Variants in NEO1 observed in about 807,000 individuals in gnomAD.
The protein encoded by NEO1 is neogenin 1.
NEO1 carries 63 observed loss-of-function variants against 159.7 expected under a neutral mutation model. The observed-to-expected ratio is 0.39, with a 90% CI of 0.32 to 0.49. The LOEUF (loss-of-function observed/expected upper bound fraction) is 0.49. Among genes scored for constraint, NEO1 ranks in the 20% least tolerant of loss-of-function variants. The probability of loss-of-function intolerance (pLI) is 0.85; values close to 1 mark genes in which losing one functional copy is unlikely to be tolerated. For synonymous variants in NEO1, 633 were observed against 662.0 expected (o/e 0.96, Z 0.67); for missense variants, 1,615 against 1,831.0 (o/e 0.88, Z 2.15).
intron 5 of NEO1, among the ~76,000 whole-genome samples, chr15:73,150,125 T>C (rs926184126): frequency 1.3e-5 from 2 of 152,216 alleles, no homozygotes; most frequent in African/African-American, 2.4e-5. Context: ...AGAATTTACA[T>C]GGACTGAATT....
At chr15:73,167,658 A>G (rs144651084) in intron 5 of NEO1, among the ~76,000 whole-genome samples, 45 of 152,370 alleles carry the variant, frequency 3.0e-4, no homozygotes, top group African/African-American at 1.1e-3. Context: ...GATGTTGTGT[A>G]TACATACAAT....
chr15:73,156,247 G>A (rs2151860459), intron 5 of NEO1, among the ~76,000 whole-genome samples: 1 of 152,308 alleles, frequency 6.6e-6, no homozygotes, highest in Admixed American at 6.5e-5. Context: ...TGTTAAATCT[G>A]TGGATTTTTC....
chr15:73,242,370 TA>T (rs1397826242), intron 8 of NEO1, among the ~76,000 whole-genome samples: 7 of 152,062 alleles, frequency 4.6e-5, no homozygotes, highest in Non-Finnish European at 1.0e-4. Flanking sequence ...AAAATGTTAT[TA>T]AAAAAATCAT....
chr15:73,160,496 G>A (rs911977333), intron 5 of NEO1, among the ~76,000 whole-genome samples: 1 of 152,050 alleles, frequency 6.6e-6, no homozygotes, highest in Non-Finnish European at 1.5e-5. Context: ...GAGAGCTCAG[G>A]ACCACCAGAC....
At chr15:73,151,219 G>C (rs1472334641) in intron 5 of NEO1, among the ~76,000 whole-genome samples, 1 of 152,078 alleles carries the variant, frequency 6.6e-6, no homozygotes, top group East Asian at 1.9e-4. Context: ...AATACTTTAC[G>C]ATTGCATATT....
chr15:73,068,491 T>C (rs1392233024), intron 1 of NEO1, among the ~76,000 whole-genome samples: 1 of 152,050 alleles, frequency 6.6e-6, no homozygotes, highest in Non-Finnish European at 1.5e-5. Context: ...GGATTATAGG[T>C]GTGAGCCACT....
chr15:73,262,615 C>T (rs1463100323), intron 15 of NEO1, among the ~76,000 whole-genome samples: 2 of 152,110 alleles, frequency 1.3e-5, no homozygotes, highest in African/African-American at 4.8e-5. Context: ...CAAATATCAA[C>T]AAGGATACAG....
chr15:73,169,773 A>G (rs970270204), intron 5 of NEO1, among the ~76,000 whole-genome samples: 3 of 151,406 alleles, frequency 2.0e-5, no homozygotes, highest in Admixed American at 1.3e-4. Context: ...GTCTTGGAAC[A>G]TGGTACCTTA....
chr15:73,054,500 G>T (rs1388262826), intron 1 of NEO1, among the ~76,000 whole-genome samples: 2 of 152,162 alleles, frequency 1.3e-5, no homozygotes, highest in Non-Finnish European at 2.9e-5. Flanking sequence ...TCCATCTACT[G>T]ATTATATAAT....
At chr15:73,207,121 C>T (rs1374225346) in intron 7 of NEO1, among the ~76,000 whole-genome samples, 1 of 152,194 alleles carries the variant, frequency 6.6e-6, no homozygotes, top group Non-Finnish European at 1.5e-5. Flanking sequence ...GATCCAATCA[C>T]ATTCACTTTC....
intron 7 of NEO1, among the ~76,000 whole-genome samples, chr15:73,231,724 C>A (rs1009375965): frequency 6.6e-6 from 1 of 152,154 alleles, no homozygotes; most frequent in Non-Finnish European, 1.5e-5. Flanking sequence ...CCTGAATATG[C>A]AGGCATCCAT....
intron 6 of NEO1, among the ~76,000 whole-genome samples, chr15:73,177,818 G>A (rs940779941): frequency 2.0e-5 from 3 of 152,166 alleles, no homozygotes; most frequent in Admixed American, 1.3e-4. Context: ...TGGGGTTACA[G>A]GTGTGAGCCA....
intron 5 of NEO1, among the ~76,000 whole-genome samples, chr15:73,164,213 T>G (rs1029508963): frequency 2.0e-5 from 3 of 147,016 alleles, no homozygotes; most frequent in African/African-American, 7.5e-5. Context: ...ATTATTGGTT[T>G]TTTTTTTTTT....
chr15:73,059,937 A>AAT, intron 1 of NEO1, among the ~76,000 whole-genome samples: 1 of 152,304 alleles, frequency 6.6e-6, no homozygotes, highest in Non-Finnish European at 1.5e-5. Context: ...ATTGGTCATT[A>AAT]ATAGTACAAC....
intron 5 of NEO1, among the ~76,000 whole-genome samples, chr15:73,175,849 T>C (rs570730136): frequency 1.3e-5 from 2 of 152,320 alleles, no homozygotes; most frequent in South Asian, 4.1e-4. Flanking sequence ...ATTCAGACTT[T>C]TTCAAATGTA....
chr15:73,117,841 C>T (rs988393770), intron 2 of NEO1, among the ~76,000 whole-genome samples: 4 of 151,900 alleles, frequency 2.6e-5, no homozygotes, highest in African/African-American at 9.7e-5. Flanking sequence ...GGTCCTTTTG[C>T]CAATTTCCCT....
At chr15:73,088,300 A>G (rs910935063) in intron 1 of NEO1, among the ~76,000 whole-genome samples, 1 of 152,014 alleles carries the variant, frequency 6.6e-6, no homozygotes, top group African/African-American at 2.4e-5. Context: ...AGTGGAAAGG[A>G]AGATATTGAA....
At chr15:73,146,387 T>C (rs1014844340) in intron 5 of NEO1, among the ~76,000 whole-genome samples, 1 of 152,242 alleles carries the variant, frequency 6.6e-6, no homozygotes, top group Non-Finnish European at 1.5e-5. Flanking sequence ...CATTCTTTTA[T>C]AGTATGCTAT....
chr15:73,052,538 C>CGGGCCGGGCT lies in NEO1; in HGVS notation c.-133_-124dup, dbSNP rs1233326219. ...GCGAGAGGGGCTGCGCGGGCCGGGCCGGGCCGGGCTGGGCTGGAGCAGCGG... is the reference window on the plus strand; with the variant it reads ...GCGAGAGGGGCTGCGCGGGCCGGGCCGGGCCGGGCTGGGCCGGGCTGGGCTGGAGCAGCGG... On this transcript the variant is annotated 5_prime_UTR_variant, in exon 1 of 29. Transcript: ENST00000261908. The CGGGCCGGGCT allele has an allele frequency of 2.8e-6, 1 of 354,024 alleles. No homozygotes were observed. Among genetic ancestry groups the CGGGCCGGGCT allele is most frequent in the Non-Finnish European group, 4.4e-6 (1 of 225,612 alleles). The allele number at this position is 354,024 out of a possible 1,614,324, so 21.9% of individuals were successfully genotyped here.
Sources: gnomAD v4.1 joint callset for allele counts (sites outside exome capture counted in the v4.1 genomes callset) on GRCh38, gnomAD v4.1.1 for gene constraint, MANE v1.5 for transcripts, NCBI Gene and HGNC (gene_info 2026-07-23, HGNC 2026-07-21) for gene names.